Variants in SEC24B observed in about 807,000 individuals in gnomAD.
SEC24B encodes the protein protein transport protein Sec24B.
Under a neutral mutation model 142.8 loss-of-function variants are expected in SEC24B, and 45 were observed. The observed-to-expected ratio is 0.32, with a 90% confidence interval of 0.25 to 0.40. The LOEUF (loss-of-function observed/expected upper bound fraction) is 0.40, where lower values mean the gene tolerates loss of function less well. Ranked by LOEUF, SEC24B falls within the 10% of genes least tolerant of loss-of-function variation. The pLI is 1.00. For missense variants in SEC24B, 1,409 were observed against 1,526.8 expected (o/e 0.92, Z 1.29); for synonymous variants, 574 against 568.2 (o/e 1.01, Z -0.15).
intron 6 of SEC24B, among the ~76,000 whole-genome samples, chr4:109,500,675 G>A (rs778628827): frequency 3.3e-4 from 50 of 151,884 alleles, no homozygotes; most frequent in African/African-American, 1.1e-3. Flanking sequence ...TTTTTCCTCC[G>A]GAGTCTCCTT....
chr4:109,464,747 C>T (rs1177545011), intron 2 of SEC24B, among the ~76,000 whole-genome samples: 2 of 152,142 alleles, frequency 1.3e-5, no homozygotes, highest in Admixed American at 1.3e-4. Flanking sequence ...CTTCTCTGGA[C>T]AATGAGATTA....
intron 23 of SEC24B, 112 bp from the exon 24 acceptor site, chr4:109,539,449 T>A (rs1349597019): frequency 1.5e-6 from 1 of 682,938 alleles, no homozygotes; most frequent in Non-Finnish European, 2.6e-6. Context: ...GCACTTTTAT[T>A]TTATTTGTAT....
chr4:109,478,138 T>C (rs969992325), intron 3 of SEC24B, among the ~76,000 whole-genome samples: 2 of 151,950 alleles, frequency 1.3e-5, no homozygotes, highest in African/African-American at 4.8e-5. Flanking sequence ...AAAAAAAAAT[T>C]AGCTGGGCGT....
chr4:109,448,365 A>G (rs1488018287), intron 1 of SEC24B, among the ~76,000 whole-genome samples: 3 of 152,176 alleles, frequency 2.0e-5, no homozygotes, highest in Admixed American at 6.5e-5. Context: ...ATACAATTTA[A>G]TAGGTCATTT....
chr4:109,527,274 C>G, intron 17 of SEC24B, 48 bp from the exon 18 acceptor site: 4 of 1,198,552 alleles, frequency 3.3e-6, no homozygotes, highest in Non-Finnish European at 4.8e-6. Flanking sequence ...GTTTGCTTTG[C>G]TTTATTTCCT....
chr4:109,525,403 C>T lies in SEC24B; in HGVS notation c.2690C>T (p.Thr897Ile), dbSNP rs766672125. ...TATTATTATCCATCATTCCACTATA[C>T]TCACAATCCTTCACAAGCAGAAAAG... ...CIYYYPSFHY[T>I]HNPSQAEKLQ... Residue 897 changes from threonine to isoleucine, a missense_variant, in exon 16 of 24, where the codon ACT becomes ATT. By Grantham distance (89) the Thr-to-Ile change is moderately conservative. Transcript: ENST00000265175. The T allele has an allele frequency of 6.2e-7, 1 of 1,611,724 alleles. No homozygotes were observed. Among genetic ancestry groups the T allele is most frequent in the Admixed American group, 1.7e-5 (1 of 59,832 alleles).
intron 1 of SEC24B, among the ~76,000 whole-genome samples, chr4:109,453,727 G>A (rs764987644): frequency 1.3e-5 from 2 of 152,144 alleles, no homozygotes; most frequent in African/African-American, 2.4e-5. Context: ...TACATCCTCA[G>A]CTTACGAAGA....
intron 11 of SEC24B, among the ~76,000 whole-genome samples, chr4:109,517,249 G>T (rs1048647531): frequency 1.6e-4 from 25 of 152,162 alleles, no homozygotes. Flanking sequence ...CAGATGGATG[G>T]ATAAAGAAAC....
chr4:109,465,569 T>A (rs1731775222), intron 2 of SEC24B, among the ~76,000 whole-genome samples: 1 of 152,178 alleles, frequency 6.6e-6, no homozygotes. Context: ...AACATTCTAT[T>A]TACAGATCCA....
At chr4:109,481,367 A>G (rs79586465) in intron 3 of SEC24B, among the ~76,000 whole-genome samples, 1,719 of 152,334 alleles carry the variant, frequency 0.011, 27 homozygotes, top group African/African-American at 0.039. Flanking sequence ...GGAGATAAAC[A>G]TGTATAGAGC....
intron 7 of SEC24B, among the ~76,000 whole-genome samples, chr4:109,508,085 T>C (rs1432646538): frequency 6.6e-6 from 1 of 152,212 alleles, no homozygotes; most frequent in African/African-American, 2.4e-5. Flanking sequence ...CTTCTTCCAC[T>C]GTACCATCCA....
chr4:109,444,564 G>A (rs921459898), intron 1 of SEC24B, among the ~76,000 whole-genome samples: 2 of 147,796 alleles, frequency 1.4e-5, no homozygotes, highest in Non-Finnish European at 3.0e-5. Flanking sequence ...TTTTCTTAAA[G>A]CAAGAGAATC....
chr4:109,446,978 A>G (rs1729535560), intron 1 of SEC24B, among the ~76,000 whole-genome samples: 1 of 152,232 alleles, frequency 6.6e-6, no homozygotes, highest in African/African-American at 2.4e-5. Context: ...AGACAATTAC[A>G]GTTCCATGTG....
Position 109,491,321 on chromosome 4 carries a change from T to A in SEC24B, c.1166-6T>A. 1 of 1,608,814 alleles carries A rather than the reference T, an allele frequency of 6.2e-7. No individual in the cohort carries two copies. The highest frequency in any genetic ancestry group is 8.5e-7 in the Non-Finnish European group (1 of 1,176,498). ...AACCTAGTAGATATTTTGGTTTTCC[T>A]TTTAGGTGTTGACAGCTCTTCTACC... is the stretch of plus-strand genomic sequence containing the variant. On this transcript the variant is annotated splice_region_variant and splice_polypyrimidine_tract_variant and intron_variant, in intron 4 of 23. Coordinates refer to ENST00000265175, the MANE Select transcript of SEC24B (RefSeq NM_006323.5).
At chr4:109,479,847 C>T (rs1733546858) in intron 3 of SEC24B, among the ~76,000 whole-genome samples, 3 of 146,532 alleles carry the variant, frequency 2.0e-5, no homozygotes, top group South Asian at 4.3e-4. Flanking sequence ...TTTATTTTCT[C>T]ATGAAGTGCT....
intron 7 of SEC24B, among the ~76,000 whole-genome samples, 157 bp downstream of exon 7, chr4:109,506,669 C>G (rs911280800): frequency 2.6e-5 from 4 of 152,070 alleles, no homozygotes; most frequent in Non-Finnish European, 5.9e-5. Context: ...TGACTTAGGT[C>G]ATCTCTTTTT....
chr4:109,480,020 A>T (rs939468759), intron 3 of SEC24B, among the ~76,000 whole-genome samples: 2 of 152,002 alleles, frequency 1.3e-5, no homozygotes, highest in African/African-American at 4.8e-5. Flanking sequence ...ATTTACATCG[A>T]TTTTTATTTT....
Position 109,520,352 on chromosome 4 carries a change from A to C in SEC24B, c.2127-14A>C. The C allele has an allele frequency of 6.7e-7, 1 of 1,498,780 alleles. No homozygotes were observed. 92.8% of individuals were successfully genotyped at this position (1,498,780 alleles called of 1,614,324 possible). ...TGAGCACTCTGAATTTAAAATTGTC[A>C]TTTTTATCTTTAGGCTTCCTGGAGA... On this transcript the variant is annotated splice_polypyrimidine_tract_variant and intron_variant, in intron 11 of 23. Coordinates refer to ENST00000265175, the MANE Select transcript of SEC24B (RefSeq NM_006323.5).
intron 2 of SEC24B, among the ~76,000 whole-genome samples, chr4:109,465,786 A>C (rs1731793476): frequency 6.6e-6 from 1 of 152,148 alleles, no homozygotes; most frequent in Admixed American, 6.5e-5. Flanking sequence ...AGATTAAATA[A>C]AGGGGGAGAA....
Sources: gnomAD v4.1 joint callset for allele counts (sites outside exome capture counted in the v4.1 genomes callset) on GRCh38, gnomAD v4.1.1 for gene constraint, MANE v1.5 for transcripts, NCBI Gene and HGNC (gene_info 2026-07-23, HGNC 2026-07-21) for gene names.